Variants in PGR observed in about 807,000 individuals in gnomAD.
PGR encodes progesterone receptor.
In PGR, 25 loss-of-function variants were observed where a neutral mutation model predicts 76.1. That is an observed-to-expected ratio of 0.33 (90% confidence interval 0.24 to 0.46). PGR has a LOEUF of 0.46. PGR is among the 20% of genes least tolerant of loss of function. The pLI is 1.00. For missense variants in PGR, 1,172 were observed against 1,225.3 expected, an observed-to-expected ratio of 0.96 and a Z score of 0.65; for synonymous variants, 579 against 535.0, an observed-to-expected ratio of 1.08 and a Z score of -1.14.
chr11:101,038,998 T>C lies in PGR; in HGVS notation c.*118A>G. 2.9e-6 allele frequency: 2 copies of C among 699,284 alleles called. No homozygotes were observed. The highest frequency in any genetic ancestry group is 4.9e-6 in the Non-Finnish European group (2 of 407,774). 43.3% of individuals were successfully genotyped at this position (699,284 alleles called of 1,614,324 possible). A position where few individuals can be genotyped will look rare whatever the true frequency, so the allele number is the denominator to read the frequency against. ...ATTTTTCTTTTAAATTTACACACTATGATGTTATAAATGTAAGGCTTTCAG... is the reference window on the plus strand; with the variant it reads ...ATTTTTCTTTTAAATTTACACACTACGATGTTATAAATGTAAGGCTTTCAG... On this transcript the variant is annotated 3_prime_UTR_variant, in exon 8 of 8. Coordinates refer to ENST00000325455, the MANE Select transcript of PGR (RefSeq NM_000926.4).
chr11:101,049,515 A>C (rs11571242), intron 6 of PGR, among the ~76,000 whole-genome samples: 3,137 of 152,208 alleles, frequency 0.021, 83 homozygotes, highest in African/African-American at 0.057. Flanking sequence ...TGATTAGTGC[A>C]TTGTGCTATG....
chr11:101,128,499 G>T lies in PGR; in HGVS notation c.572C>A (p.Pro191Gln). Residue 191 changes from proline (P) to glutamine (Q), a missense_variant, in exon 1 of 8, where the codon CCA becomes CAA. By Grantham distance (76) the Pro-to-Gln change is moderately conservative. Coordinates refer to ENST00000325455, the MANE Select transcript of PGR (RefSeq NM_000926.4). Reference protein sequence around the residue: ...AHKVLPRGLSPARQLLLPASE... With the variant: ...AHKVLPRGLSQARQLLLPASE... ...GGCCGGGAGCAGCAGCTGCCGGGCT[G>T]GTGACAGGCCCCGGGGCAGCACTTT... 1 of 1,605,084 alleles carries T rather than the reference G, an allele frequency of 6.2e-7. No individual in the cohort carries two copies. The highest frequency in any genetic ancestry group is 1.1e-5 in the South Asian group (1 of 90,596).
chr11:101,046,227 G>A (rs998545050), intron 6 of PGR, among the ~76,000 whole-genome samples: 3 of 149,096 alleles, frequency 2.0e-5, no homozygotes, highest in Non-Finnish European at 4.4e-5. Flanking sequence ...CTAGGTTGAG[G>A]TGATCCTCCC....
At chr11:101,097,264 G>A (rs1340307892) in intron 2 of PGR, among the ~76,000 whole-genome samples, 1 of 152,114 alleles carries the variant, frequency 6.6e-6, no homozygotes, top group Non-Finnish European at 1.5e-5. Flanking sequence ...ACTCTCTCAT[G>A]CCTCTATGAC....
At chr11:101,075,236 A>G (rs564972384) in intron 3 of PGR, among the ~76,000 whole-genome samples, 1 of 152,336 alleles carries the variant, frequency 6.6e-6, no homozygotes, top group East Asian at 1.9e-4. Context: ...TCCCTATTTA[A>G]TAAATGGTGT....
At chr11:101,092,022 T>C (rs1406952043) in intron 2 of PGR, 146 bp from the exon 3 acceptor site, 1 of 673,792 alleles carries the variant, frequency 1.5e-6, no homozygotes, top group East Asian at 2.7e-5. Flanking sequence ...TGAATGTTGG[T>C]GAAGCTATAA....
chr11:101,089,798 A>G (rs1206557109), intron 3 of PGR, among the ~76,000 whole-genome samples: 1 of 152,208 alleles, frequency 6.6e-6, no homozygotes, highest in Non-Finnish European at 1.5e-5. Context: ...ATGAAAATGC[A>G]GCAATAGCTG....
At chr11:101,055,289 T>C (rs1270038319) in intron 4 of PGR, among the ~76,000 whole-genome samples, 1 of 151,680 alleles carries the variant, frequency 6.6e-6, no homozygotes, top group Non-Finnish European at 1.5e-5. Context: ...GGTGTATGCC[T>C]GTAGTCTCAT....
intron 3 of PGR, among the ~76,000 whole-genome samples, chr11:101,073,438 C>G (rs1200513738): frequency 6.6e-6 from 1 of 151,508 alleles, no homozygotes; most frequent in Non-Finnish European, 1.5e-5. Context: ...CAAGAGCAAA[C>G]AAATTCAAAA....
In PGR at chr11:101,045,159, A is replaced by AAGTT. The variant is rs1229449708; in HGVS notation, c.2489-3061_2489-3058dup. ...AGATACAAACTTATGAAAAACAAAT[A>AAGTT]AGTTAATTCTTTGGTTTTGAGTTTT... is the stretch of plus-strand genomic sequence containing the variant. On this transcript the variant is annotated intron_variant, in intron 6 of 7. Coordinates refer to ENST00000325455, the MANE Select transcript of PGR (RefSeq NM_000926.4). Among the ~76,000 whole-genome samples, 14 of 152,294 alleles carry AAGTT rather than the reference A, an allele frequency of 9.2e-5. 1 individual carries two copies. Among genetic ancestry groups the AAGTT allele is most frequent in the Middle Eastern group, 6.8e-3 (2 of 294 alleles).
chr11:101,036,231 T>C lies in PGR; in HGVS notation c.*2885A>G, dbSNP rs1057007184. The stretch of plus-strand genomic sequence containing the variant: ...GTTCATCATATTTCCATATCATCTG[T>C]ATAGCAATAAATTATCTTAATGTTA... On this transcript the variant is annotated 3_prime_UTR_variant, in exon 8 of 8. Transcript: ENST00000325455. The C allele has an allele frequency of 4.5e-6, 1 of 221,508 alleles. No individual in the cohort carries two copies. The highest frequency in any genetic ancestry group is 2.2e-5 in the African/African-American group (1 of 44,738). The allele number at this position is 221,508 out of a possible 1,614,324, so 13.7% of individuals were successfully genotyped here.
intron 2 of PGR, among the ~76,000 whole-genome samples, chr11:101,092,849 G>T (rs561739): frequency 0.99 from 150,927 of 152,300 alleles, 74,790 homozygotes; most frequent in East Asian, 1. Context: ...TACTTATACT[G>T]CTGAAGCATG....
At chr11:101,040,371 T>C (rs1170213008) in intron 7 of PGR, among the ~76,000 whole-genome samples, 1 of 152,056 alleles carries the variant, frequency 6.6e-6, no homozygotes, top group Non-Finnish European at 1.5e-5. Flanking sequence ...TGCATCTCTG[T>C]TGGGGTGGAT....
At position 101,091,872 on chromosome 11, in the gene PGR, C is replaced by T. The variant is rs1006302733; in HGVS notation, c.1794G>A (p.Gln598=). The part of the protein sequence containing the change: ...KVFFKRAMEG[Q]HNYLCAGRND... Reference sequence around the variant, plus strand: ...TTCTTCCAGCACATAAGTAGTTGTGCTGCCCTAAAAAAACAAAATGAGTCA... The same window carrying T: ...TTCTTCCAGCACATAAGTAGTTGTGTTGCCCTAAAAAAACAAAATGAGTCA... Residue 598 remains glutamine (Q), a synonymous_variant, in exon 3 of 8, where the codon CAG becomes CAA. Coordinates refer to ENST00000325455, the MANE Select transcript of PGR (RefSeq NM_000926.4). 3.8e-6 allele frequency: 6 copies of T among 1,576,536 alleles called. No individual in the cohort carries two copies. The African/African-American group carries it at 5.4e-5, about 14-fold the overall frequency.
intron 3 of PGR, among the ~76,000 whole-genome samples, chr11:101,072,996 T>C (rs1350960049): frequency 2.0e-5 from 3 of 152,134 alleles, no homozygotes; most frequent in Non-Finnish European, 2.9e-5. Flanking sequence ...TACAGAACTC[T>C]CTACCCCAAA....
intron 6 of PGR, among the ~76,000 whole-genome samples, chr11:101,043,790 T>G (rs555948279): frequency 6.6e-6 from 1 of 152,300 alleles, no homozygotes; most frequent in African/African-American, 2.4e-5. Flanking sequence ...AGCAATAATA[T>G]TTGAAAGTAG....
In PGR at chr11:101,034,938, G is replaced by GA. The variant is rs903566777; in HGVS notation, c.*4177dup. 9.6e-5 allele frequency: 18 copies of GA among 187,682 alleles called. No individual in the cohort carries two copies. The highest frequency in any genetic ancestry group is 3.3e-4 in the African/African-American group (14 of 42,758). The allele number at this position is 187,682 out of a possible 1,614,324, so 11.6% of individuals were successfully genotyped here. A position where few individuals can be genotyped will look rare whatever the true frequency, so the allele number is the denominator to read the frequency against. On this transcript the variant is annotated 3_prime_UTR_variant, in exon 8 of 8. Coordinates refer to ENST00000325455, the MANE Select transcript of PGR (RefSeq NM_000926.4). ...GTTGTTTTCACTCAGCCATGAATAA[G>GA]AAAAAAAGAAACCACAAAACCTAGG...
chr11:101,073,385 T>C (rs1332609987), intron 3 of PGR, among the ~76,000 whole-genome samples: 5 of 152,094 alleles, frequency 3.3e-5, no homozygotes, highest in Non-Finnish European at 7.4e-5. Context: ...GGGAATGATC[T>C]AAAATTGACA....
chr11:101,128,906 C>T lies in PGR; in HGVS notation c.165G>A (p.Leu55=). 1 of 1,613,920 alleles carries T rather than the reference C, an allele frequency of 6.2e-7. No homozygotes were observed. Among genetic ancestry groups the T allele is most frequent in the South Asian group, 1.1e-5 (1 of 91,076 alleles). ...AGGGCCGAGGGAAGAGTAGCCCGTC[C>T]AGGGAGATAGGTATGGCCGAAACTT... ...LPEVSAIPIS[L]DGLLFPRPCQ... is the part of the protein sequence containing the mutation. Residue 55 remains leucine (L), a synonymous_variant, in exon 1 of 8, where the codon CTG becomes CTA. Coordinates refer to ENST00000325455, the MANE Select transcript of PGR (RefSeq NM_000926.4).
Sources: gnomAD v4.1 joint callset for allele counts (sites outside exome capture counted in the v4.1 genomes callset) on GRCh38, gnomAD v4.1.1 for gene constraint, MANE v1.5 for transcripts, NCBI Gene and HGNC (gene_info 2026-07-23, HGNC 2026-07-21) for gene names.